CCDC43: variants seen among roughly 807,000 people sequenced by gnomAD.
CCDC43 encodes the protein coiled-coil domain-containing protein 43.
Under a neutral mutation model 33.3 loss-of-function variants are expected in CCDC43, and 20 were observed. The ratio of observed to expected loss-of-function variants is 0.60; its 90% CI spans 0.42 to 0.87. The LOEUF is 0.87. Among genes scored for constraint, CCDC43 ranks in the 40% least tolerant of loss-of-function variants. The pLI, the probability that CCDC43 is intolerant of heterozygous loss-of-function variation, is 0.00. For missense variants in CCDC43, 248 were observed against 269.9 expected (o/e 0.92, Z 0.57); for synonymous variants, 104 against 106.5 (o/e 0.98, Z 0.14).
At chr17:44,681,435 C>A (rs1001102970) in intron 3 of CCDC43, among the ~76,000 whole-genome samples, 2 of 152,152 alleles carry the variant, frequency 1.3e-5, no homozygotes, top group African/African-American at 4.8e-5. Context: ...GAGACTCTGT[C>A]CAGAATTATT....
chr17:44,678,893 T>TC lies in CCDC43; in HGVS notation c.637dup (p.Glu213GlyfsTer64), dbSNP rs868278247. ...CTCCCCTCTCTGTGTCCTTTTTTTT[T>TC]CCTTTTCCTTGCGCTCCTGCTTGGC... On this transcript the variant is annotated frameshift_variant, in exon 5 of 5. Coordinates refer to ENST00000315286, the MANE Select transcript of CCDC43 (RefSeq NM_144609.3). LOFTEE classifies it high-confidence loss of function. 3.7e-6 allele frequency: 6 copies of TC among 1,613,736 alleles called. No homozygotes were observed. In the African/African-American group the frequency reaches 8.0e-5, roughly 22 times the overall value.
intron 1 of CCDC43, among the ~76,000 whole-genome samples, chr17:44,684,951 AGTTT>A (rs907733993): frequency 7.3e-5 from 11 of 151,674 alleles, no homozygotes; most frequent in African/African-American, 2.4e-4. Context: ...TGGCTAATTG[AGTTT>A]GTTGTTTTTT....
intron 3 of CCDC43, among the ~76,000 whole-genome samples, chr17:44,681,568 T>G (rs1972163130): frequency 6.6e-6 from 1 of 152,188 alleles, no homozygotes; most frequent in South Asian, 2.1e-4. Context: ...CTAGTCCTGG[T>G]TTTGCCACTA....
chr17:44,682,714 G>A (rs1972180458), intron 2 of CCDC43, among the ~76,000 whole-genome samples: 1 of 152,136 alleles, frequency 6.6e-6, no homozygotes, highest in Non-Finnish European at 1.5e-5. Context: ...AAATTAGCCA[G>A]GCGTGGTGAC....
chr17:44,689,422 A>T, intron 1 of CCDC43, 128 bp downstream of exon 1: 1 of 1,360,604 alleles, frequency 7.3e-7, no homozygotes, highest in Non-Finnish European at 9.9e-7. Context: ...CAGATATCAG[A>T]GGAGTATACC....
rs1433488872 is a variant in CCDC43 at position 44,679,023 on chromosome 17, C to G, written c.508G>C (p.Val170Leu). The change falls in exon 5 of 5, where the codon GTG (valine) becomes CTG (leucine). Residue 170 changes from valine to leucine, a missense_variant. Transcript: ENST00000315286. ...SDKLLFRNTNVEDVLNARKLE... is the reference protein window; with the variant it reads ...SDKLLFRNTNLEDVLNARKLE... Reference sequence around the variant, plus strand: ...TTTCGGGCATTAAGGACATCTTCCACATTGGTGTTTCGGAACAGAACTACA... The same window carrying G: ...TTTCGGGCATTAAGGACATCTTCCAGATTGGTGTTTCGGAACAGAACTACA... 1.9e-6 allele frequency: 3 copies of G among 1,613,768 alleles called. No individual in the cohort carries two copies. Among genetic ancestry groups the G allele is most frequent in the Non-Finnish European group, 2.5e-6 (3 of 1,179,828 alleles).
Position 44,689,689 on chromosome 17 carries a change from A to C in CCDC43, c.65T>G (p.Phe22Cys). The C allele has an allele frequency of 6.2e-7, 1 of 1,609,068 alleles. No homozygotes were observed. The highest frequency in any genetic ancestry group is 8.5e-7 in the Non-Finnish European group (1 of 1,178,020). Residue 22 changes from phenylalanine to cysteine, a missense_variant, in exon 1 of 5, where the codon TTT becomes TGT. Coordinates refer to ENST00000315286, the MANE Select transcript of CCDC43 (RefSeq NM_144609.3). Reference protein sequence around the residue: ...PGEGDGGGGGFGSWLDGRLEA... With the variant: ...PGEGDGGGGGCGSWLDGRLEA... ...CAACCGTCCGTCCAGCCAGGAGCCA[A>C]AGCCGCCGCCTCCGCCATCGCCTTC... is the stretch of plus-strand genomic sequence containing the variant.
intron 1 of CCDC43, 98 bp from the exon 2 acceptor site, chr17:44,684,057 G>T: frequency 1.3e-6 from 1 of 757,790 alleles, no homozygotes; most frequent in Admixed American, 2.2e-5. Flanking sequence ...TCTCCATGCT[G>T]TGAAATTATG....
intron 1 of CCDC43, chr17:44,688,105 T>A (rs934830444): frequency 1.2e-4 from 18 of 152,074 alleles, no homozygotes; most frequent in Admixed American, 9.2e-4. Context: ...TCTACCCTTT[T>A]AAAAAAATGA....
chr17:44,679,050 G>A lies in CCDC43; in HGVS notation c.488-7C>T. On this transcript the variant is annotated splice_polypyrimidine_tract_variant and splice_region_variant and intron_variant, in intron 4 of 4. Coordinates refer to ENST00000315286, the MANE Select transcript of CCDC43 (RefSeq NM_144609.3). ...TTGGTGTTTCGGAACAGAACTACAGGTGAGTTAAGGGATTAGGGTACAGGT... is the reference window on the plus strand; with the variant it reads ...TTGGTGTTTCGGAACAGAACTACAGATGAGTTAAGGGATTAGGGTACAGGT... 6.2e-7 allele frequency: 1 copy of A among 1,611,704 alleles called. No individual in the cohort carries two copies.
At chr17:44,682,778 C>G (rs1972181557) in intron 2 of CCDC43, among the ~76,000 whole-genome samples, 1 of 151,976 alleles carries the variant, frequency 6.6e-6, no homozygotes, top group Non-Finnish European at 1.5e-5. Flanking sequence ...ATGGCGTGAA[C>G]CCGGGGAGGC....
Position 44,678,989 on chromosome 17 carries a change from C to T in CCDC43, c.542G>A (p.Arg181Gln), listed in dbSNP as rs762341784. ...TTGGGATTCATCCCGAAGTGAGTCT[C>T]GCTCCAGTTTTCGGGCATTAAGGAC... is the stretch of plus-strand genomic sequence containing the variant. ...EDVLNARKLE[R>Q]DSLRDESQRK... The change falls in exon 5 of 5, where the codon CGA becomes CAA. Residue 181 changes from arginine to glutamine, a missense_variant. Physicochemically the swap from Arg to Gln is conservative, Grantham distance 43. Coordinates refer to ENST00000315286, the MANE Select transcript of CCDC43 (RefSeq NM_144609.3). The T allele has an allele frequency of 5.0e-6, 8 of 1,613,672 alleles. No individual in the cohort carries two copies. Among genetic ancestry groups the T allele is most frequent in the Middle Eastern group, 1.6e-4 (1 of 6,084 alleles).
At position 44,683,798 on chromosome 17, in the gene CCDC43, C is replaced by A; in HGVS notation, c.292+74G>T. On this transcript the variant is annotated intron_variant, in intron 2 of 4. Transcript: ENST00000315286. The stretch of plus-strand genomic sequence containing the variant: ...GCATCCAAGGGGAAAATGAAAAGAT[C>A]TCTTCCTAACAGCTATACAGTCAAG... 7 of 1,005,666 alleles carry A rather than the reference C, an allele frequency of 7.0e-6. No individual in the cohort carries two copies. In the South Asian group the frequency reaches 9.5e-5, roughly 14 times the overall value. 62.3% of individuals were successfully genotyped at this position (1,005,666 alleles called of 1,614,324 possible). A position where few individuals can be genotyped will look rare whatever the true frequency, so the allele number is the denominator to read the frequency against.
rs1301071861 is a variant in CCDC43, at chr17:44,678,640, T to C, written c.*216A>G. The C allele has an allele frequency of 8.8e-6, 4 of 452,110 alleles. No homozygotes were observed. The highest frequency in any genetic ancestry group is 3.9e-5 in the Admixed American group (1 of 25,488). 28.0% of individuals were successfully genotyped at this position (452,110 alleles called of 1,614,324 possible). A position where few individuals can be genotyped will look rare whatever the true frequency, so the allele number is the denominator to read the frequency against. On this transcript the variant is annotated 3_prime_UTR_variant, in exon 5 of 5. Transcript: ENST00000315286. Reference sequence around the variant, plus strand: ...ATAAAGGTGGCCCCCATTCCAGATCTTTGGTACAGTCATCAACTATAATAA... The same window carrying C: ...ATAAAGGTGGCCCCCATTCCAGATCCTTGGTACAGTCATCAACTATAATAA...
chr17:44,687,159 A>G (rs1466566886), intron 1 of CCDC43, among the ~76,000 whole-genome samples: 1 of 152,072 alleles, frequency 6.6e-6, no homozygotes, highest in Non-Finnish European at 1.5e-5. Flanking sequence ...TTAGCCAGGC[A>G]TGGCTGGGTG....
At chr17:44,680,535 C>T (rs370174368) in intron 4 of CCDC43, 50 bp downstream of exon 4, 18 of 1,345,228 alleles carry the variant, frequency 1.3e-5, no homozygotes, top group Non-Finnish European at 1.8e-5. Flanking sequence ...AAAAACTGAT[C>T]TCAAGAGGAC....
intron 4 of CCDC43, among the ~76,000 whole-genome samples, chr17:44,680,145 G>A (rs1972137983): frequency 1.3e-5 from 2 of 151,624 alleles, no homozygotes; most frequent in Non-Finnish European, 2.9e-5. Context: ...CACTACACCT[G>A]GCTAGTGTTT....
At chr17:44,683,066 C>T (rs909412532) in intron 2 of CCDC43, among the ~76,000 whole-genome samples, 2 of 152,130 alleles carry the variant, frequency 1.3e-5, no homozygotes, top group African/African-American at 4.8e-5. Context: ...TGAGAACCAA[C>T]AGTGTACAGA....
In CCDC43 at chr17:44,680,623, T is replaced by A. The variant is rs375693890; in HGVS notation, c.449A>T (p.Asp150Val). Reference protein sequence around the residue: ...DEEDEADEKDDSGATTMNIGS... With the variant: ...DEEDEADEKDVSGATTMNIGS... Reference sequence around the variant, plus strand: ...AATGTTCATTGTGGTAGCACCTGAATCATCCTTCTCATCTGCTTCAGTAAG... The same window carrying A: ...AATGTTCATTGTGGTAGCACCTGAAACATCCTTCTCATCTGCTTCAGTAAG... Residue 150 changes from aspartate to valine, a missense_variant, in exon 4 of 5, where the codon GAT (aspartate) becomes GTT (valine). Transcript: ENST00000315286. 4 of 1,608,914 alleles carry A rather than the reference T, an allele frequency of 2.5e-6. No individual in the cohort carries two copies. Among genetic ancestry groups the A allele is most frequent in the Non-Finnish European group, 3.4e-6 (4 of 1,175,832 alleles).
Sources: gnomAD v4.1 joint callset for allele counts (sites outside exome capture counted in the v4.1 genomes callset) on GRCh38, gnomAD v4.1.1 for gene constraint, MANE v1.5 for transcripts, NCBI Gene and HGNC (gene_info 2026-07-23, HGNC 2026-07-21) for gene names.